The following CLOCK variants were observed in gnomAD, a reference collection of about 807,000 sequenced individuals.
The protein encoded by CLOCK is circadian locomoter output cycles protein kaput.
In CLOCK, 43 loss-of-function variants were observed where a neutral mutation model predicts 118.4. That is an observed-to-expected ratio of 0.36 (90% CI 0.28 to 0.47). The LOEUF (loss-of-function observed/expected upper bound fraction) is 0.47, where lower values mean the gene tolerates loss of function less well. CLOCK is among the 20% of genes least tolerant of loss of function. CLOCK has a pLI of 1.00. For missense variants in CLOCK, 846 were observed against 999.9 expected (o/e 0.85, Z 2.08); for synonymous variants, 326 against 339.2 (o/e 0.96, Z 0.43).
Position 55,525,162 on chromosome 4 carries a change from T to A in CLOCK, c.-289-15097A>T, listed in dbSNP as rs543880691. On this transcript the variant is annotated intron_variant, in intron 1 of 22. Coordinates refer to ENST00000513440, the MANE Select transcript of CLOCK (RefSeq NM_004898.4). ...TATAACCAATGAAAGATAGAATGAG[T>A]TTTATTCAGTTTTTAAAAAGAAAAT... 4.6e-5 allele frequency among the ~76,000 whole-genome samples: 7 copies of A among 152,170 alleles called. No individual in the cohort carries two copies. In the East Asian group the frequency reaches 1.4e-3, roughly 29 times the overall value.
chr4:55,465,680 C>T (rs1045911750), intron 8 of CLOCK, among the ~76,000 whole-genome samples: 38 of 152,076 alleles, frequency 2.5e-4, no homozygotes, highest in African/African-American at 7.5e-4. Flanking sequence ...TGGCTGGGTG[C>T]AGTGGTCATG....
At chr4:55,496,357 A>T (rs1418362527) in intron 2 of CLOCK, among the ~76,000 whole-genome samples, 3 of 149,908 alleles carry the variant, frequency 2.0e-5, no homozygotes, top group Non-Finnish European at 4.5e-5. Context: ...AAGCAAGTTT[A>T]TTTGACATGG....
chr4:55,541,493 CT>C (rs1731263974), intron 1 of CLOCK, among the ~76,000 whole-genome samples: 1 of 152,180 alleles, frequency 6.6e-6, no homozygotes, highest in Non-Finnish European at 1.5e-5. Flanking sequence ...AGAACTTTGA[CT>C]TTTCCCCCAC....
Position 55,448,790 on chromosome 4 carries a change from C to CT in CLOCK, c.1527dup (p.Gly510ArgfsTer79). The CT allele has an allele frequency of 6.2e-7, 1 of 1,613,570 alleles. No homozygotes were observed. The highest frequency in any genetic ancestry group is 8.5e-7 in the Non-Finnish European group (1 of 1,179,668). On this transcript the variant is annotated frameshift_variant, in exon 18 of 23. Transcript: ENST00000513440. LOFTEE classifies it high-confidence loss of function. ...AAACCAAAAAGTACCTGGGACATGCCTTGTGGAATTGGTAAATTTGTAGCT... is the reference window on the plus strand; with the variant it reads ...AAACCAAAAAGTACCTGGGACATGCCTTTGTGGAATTGGTAAATTTGTAGCT...
chr4:55,453,904 C>T (rs1724691544), intron 13 of CLOCK, 80 bp from the exon 14 acceptor site: 2 of 1,091,140 alleles, frequency 1.8e-6, no homozygotes, highest in Non-Finnish European at 2.7e-6. Context: ...CTATCATTTA[C>T]ATTTAAGTTT....
intron 6 of CLOCK, among the ~76,000 whole-genome samples, chr4:55,477,223 A>T (rs921704390): frequency 2.6e-5 from 4 of 151,976 alleles, no homozygotes; most frequent in African/African-American, 9.7e-5. Context: ...GAAAAAAAAA[A>T]TTACCTAATG....
chr4:55,545,138 A>G (rs776094475), intron 1 of CLOCK, among the ~76,000 whole-genome samples: 2 of 151,432 alleles, frequency 1.3e-5, no homozygotes, highest in African/African-American at 2.4e-5. Context: ...ATATGTATAA[A>G]TGTGCCACGC....
intron 4 of CLOCK, among the ~76,000 whole-genome samples, chr4:55,480,614 G>C (rs970098346): frequency 2.0e-5 from 3 of 152,178 alleles, no homozygotes; most frequent in Non-Finnish European, 2.9e-5. Context: ...GATGAGGCTA[G>C]GCGCAGTGGC....
At chr4:55,477,477 A>G (rs1726597500) in intron 6 of CLOCK, among the ~76,000 whole-genome samples, 1 of 152,128 alleles carries the variant, frequency 6.6e-6, no homozygotes, top group Non-Finnish European at 1.5e-5. Flanking sequence ...AGGAAGCTGA[A>G]AAAAAATCCT....
intron 3 of CLOCK, among the ~76,000 whole-genome samples, chr4:55,483,670 T>C (rs1437453678): frequency 6.6e-6 from 1 of 152,198 alleles, no homozygotes; most frequent in Non-Finnish European, 1.5e-5. Flanking sequence ...GACAAAAGAA[T>C]ATCGTATTTG....
intron 4 of CLOCK, among the ~76,000 whole-genome samples, chr4:55,481,879 T>TCGG (rs1459711749): frequency 6.6e-6 from 1 of 152,216 alleles, no homozygotes; most frequent in Non-Finnish European, 1.5e-5. Flanking sequence ...CTTGCAGAAT[T>TCGG]ATTGAGGTTA....
chr4:55,438,226 A>C, intron 22 of CLOCK, 56 bp downstream of exon 22: 1 of 1,576,940 alleles, frequency 6.3e-7, no homozygotes, highest in South Asian at 1.1e-5. Context: ...TTAATGCTTA[A>C]TTTCATTACA....
At chr4:55,496,975 T>C (rs1408733658) in intron 2 of CLOCK, among the ~76,000 whole-genome samples, 3 of 152,242 alleles carry the variant, frequency 2.0e-5, no homozygotes, top group African/African-American at 7.2e-5. Flanking sequence ...ATATAAACTT[T>C]ATGTTATTAG....
chr4:55,534,935 T>A (rs1730790253), intron 1 of CLOCK, among the ~76,000 whole-genome samples: 1 of 151,096 alleles, frequency 6.6e-6, no homozygotes, highest in African/African-American at 2.4e-5. Context: ...GAGAATTTTT[T>A]TTTTTTTTTT....
At chr4:55,508,024 T>A (rs1728918110) in intron 2 of CLOCK, among the ~76,000 whole-genome samples, 1 of 152,148 alleles carries the variant, frequency 6.6e-6, no homozygotes. Context: ...TAACTAAGTG[T>A]TCTCAAGGGA....
chr4:55,502,666 A>C (rs1322912701), intron 2 of CLOCK, among the ~76,000 whole-genome samples: 1 of 152,210 alleles, frequency 6.6e-6, no homozygotes, highest in African/African-American at 2.4e-5. Context: ...ACCATAAAAA[A>C]ATTTGATAAA....
intron 1 of CLOCK, among the ~76,000 whole-genome samples, chr4:55,542,021 A>G (rs13134079): frequency 0.75 from 113,748 of 150,824 alleles, 43,209 homozygotes; most frequent in East Asian, 0.9. Flanking sequence ...TATAAAATCT[A>G]TCATTTTCCA....
intron 1 of CLOCK, among the ~76,000 whole-genome samples, chr4:55,522,548 T>A (rs1284946999): frequency 6.6e-6 from 1 of 150,930 alleles, no homozygotes; most frequent in Non-Finnish European, 1.5e-5. Context: ...TAAGAAAACA[T>A]GCTAAACTTT....
intron 7 of CLOCK, among the ~76,000 whole-genome samples, chr4:55,472,703 G>C (rs151050701): frequency 6.6e-6 from 1 of 151,842 alleles, no homozygotes; most frequent in Non-Finnish European, 1.5e-5. Context: ...TGTAATTGAC[G>C]AATATATAGA....
Sources: allele counts gnomAD v4.1 joint callset (sites outside exome capture counted in the v4.1 genomes callset), GRCh38; gene constraint gnomAD v4.1.1; transcripts MANE v1.5; gene names NCBI Gene and HGNC (gene_info 2026-07-23, HGNC 2026-07-21).